CMTM7: variants seen among roughly 807,000 people sequenced by gnomAD.
The protein encoded by CMTM7 is CKLF like MARVEL transmembrane domain containing 7, also known as CKLF-like MARVEL transmembrane domain-containing protein 7.
CMTM7 carries 7 observed loss-of-function variants against 19.3 expected under a neutral mutation model. The ratio of observed to expected loss-of-function variants is 0.36; its 90% confidence interval spans 0.21 to 0.68. The LOEUF is 0.68. Among genes scored for constraint, CMTM7 ranks in the 30% least tolerant of loss-of-function variants. The pLI, the probability that CMTM7 is intolerant of heterozygous loss-of-function variation, is 0.60. For missense variants in CMTM7, 193 were observed against 232.6 expected (o/e 0.83, Z 1.11); for synonymous variants, 87 against 99.3 (o/e 0.88, Z 0.74).
chr3:32,406,602 G>A (rs560401055), intron 1 of CMTM7, among the ~76,000 whole-genome samples: 35 of 152,310 alleles, frequency 2.3e-4, no homozygotes, highest in Middle Eastern at 3.4e-3. Flanking sequence ...AGTCTAAGTA[G>A]GGAACAAGAA....
intron 1 of CMTM7, among the ~76,000 whole-genome samples, chr3:32,401,909 G>C (rs1026440460): frequency 2.0e-5 from 3 of 152,198 alleles, no homozygotes; most frequent in African/African-American, 7.2e-5. Context: ...GCCACCCGGC[G>C]CTCCTGGGCG....
chr3:32,393,979 A>G (rs539824817), intron 1 of CMTM7, among the ~76,000 whole-genome samples: 1 of 152,288 alleles, frequency 6.6e-6, no homozygotes, highest in South Asian at 2.1e-4. Context: ...GAGAACAAAG[A>G]CTTGAATAAT....
intron 1 of CMTM7, among the ~76,000 whole-genome samples, chr3:32,403,436 C>G (rs1239010828): frequency 6.6e-6 from 1 of 152,138 alleles, no homozygotes; most frequent in African/African-American, 2.4e-5. Flanking sequence ...TACTCTTGAA[C>G]TCCTAGGCTC....
intron 1 of CMTM7, among the ~76,000 whole-genome samples, chr3:32,402,139 C>T (rs1696017661): frequency 6.6e-6 from 1 of 152,104 alleles, no homozygotes; most frequent in African/African-American, 2.4e-5. Flanking sequence ...TCTAAAAAGT[C>T]TTCAGTCTGT....
chr3:32,414,239 G>A (rs1038966105), intron 1 of CMTM7, among the ~76,000 whole-genome samples: 1 of 152,138 alleles, frequency 6.6e-6, no homozygotes. Context: ...AGGACCAAAT[G>A]ACCAAGCTAC....
At position 32,454,616 on chromosome 3, in the gene CMTM7, C is replaced by T; in HGVS notation, c.*362C>T. 1 of 427,186 alleles carries T rather than the reference C, an allele frequency of 2.3e-6. No homozygotes were observed. Among genetic ancestry groups the T allele is most frequent in the Non-Finnish European group, 4.5e-6 (1 of 224,396 alleles). The allele number at this position is 427,186 out of a possible 1,614,324, so 26.5% of individuals were successfully genotyped here. A position where few individuals can be genotyped will look rare whatever the true frequency, so the allele number is the denominator to read the frequency against. ...CCGCCTAAATCCCTTCTACTTCACTCCTCAGGGGAGTGAAGTGCCTTAAGA... is the reference window on the plus strand; with the variant it reads ...CCGCCTAAATCCCTTCTACTTCACTTCTCAGGGGAGTGAAGTGCCTTAAGA... On this transcript the variant is annotated 3_prime_UTR_variant, in exon 5 of 5. Coordinates refer to ENST00000334983, the MANE Select transcript of CMTM7 (RefSeq NM_138410.4).
chr3:32,434,693 T>C (rs1013135536), intron 1 of CMTM7, among the ~76,000 whole-genome samples: 19 of 151,532 alleles, frequency 1.3e-4, no homozygotes, highest in African/African-American at 4.4e-4. Context: ...GATTTGACTG[T>C]ATAAAAACTT....
intron 1 of CMTM7, among the ~76,000 whole-genome samples, chr3:32,424,778 C>G (rs749615732): frequency 1.7e-4 from 26 of 152,206 alleles, no homozygotes; most frequent in Middle Eastern, 3.4e-3. Flanking sequence ...TTCCGAGTAG[C>G]TGGACCACAG....
Position 32,391,913 on chromosome 3 carries a change from C to T in CMTM7, c.7C>T (p.His3Tyr). 1.6e-6 allele frequency: 2 copies of T among 1,223,238 alleles called. No homozygotes were observed. Among genetic ancestry groups the T allele is most frequent in the Non-Finnish European group, 2.0e-6 (2 of 982,298 alleles). The allele number at this position is 1,223,238 out of a possible 1,614,324, so 75.8% of individuals were successfully genotyped here. Residue 3 changes from histidine (H) to tyrosine (Y), a missense_variant, in exon 1 of 5, where the codon CAC becomes TAC. Physicochemically the swap from His to Tyr is moderately conservative, Grantham distance 83. Transcript: ENST00000334983. ...AGCGAGCTGGGGCCGCGCAATGTCG[C>T]ACGGAGCCGGGCTCGTCCGCACCAC... The part of the protein sequence containing the change: MS[H>Y]GAGLVRTTCS...
At chr3:32,401,912 C>T (rs1367506831) in intron 1 of CMTM7, among the ~76,000 whole-genome samples, 2 of 152,320 alleles carry the variant, frequency 1.3e-5, no homozygotes, top group Non-Finnish European at 1.5e-5. Context: ...ACCCGGCGCT[C>T]CTGGGCGGAA....
chr3:32,421,022 G>A (rs1433396112), intron 1 of CMTM7, among the ~76,000 whole-genome samples: 1 of 152,066 alleles, frequency 6.6e-6, no homozygotes, highest in Non-Finnish European at 1.5e-5. Flanking sequence ...TGCAGCCTGG[G>A]TCCCTGGAGG....
At chr3:32,425,803 A>G (rs1010549488) in intron 1 of CMTM7, among the ~76,000 whole-genome samples, 80 of 152,174 alleles carry the variant, frequency 5.3e-4, no homozygotes, top group Non-Finnish European at 1.0e-4. Context: ...TTTTAACAGG[A>G]TATTTTTGAG....
chr3:32,403,328 G>C lies in CMTM7; in HGVS notation c.159+11263G>C, dbSNP rs113999766. On this transcript the variant is annotated intron_variant, in intron 1 of 4. Transcript: ENST00000334983. Reference sequence around the variant, plus strand: ...TTCCTGGGCTCAAGCGATCTTCCTGGCTCAGCCTCCCAAGTATTAACAATT... The same window carrying C: ...TTCCTGGGCTCAAGCGATCTTCCTGCCTCAGCCTCCCAAGTATTAACAATT... 5.8e-3 allele frequency among the ~76,000 whole-genome samples: 884 copies of C among 152,066 alleles called. 4 individuals are homozygous for C. The highest frequency in any genetic ancestry group is 0.02 in the Middle Eastern group (6 of 294).
chr3:32,402,912 A>AG (rs1011007958), intron 1 of CMTM7, among the ~76,000 whole-genome samples: 2 of 152,226 alleles, frequency 1.3e-5, no homozygotes, highest in African/African-American at 4.8e-5. Context: ...ATAAATGGGA[A>AG]GGGGAAAAGG....
intron 1 of CMTM7, among the ~76,000 whole-genome samples, chr3:32,412,510 C>T (rs868326678): frequency 1.3e-5 from 1 of 76,462 alleles, no homozygotes; most frequent in Non-Finnish European, 3.2e-5. Flanking sequence ...CACACACACA[C>T]ACACACACAC....
At chr3:32,405,233 A>C (rs1696072647) in intron 1 of CMTM7, among the ~76,000 whole-genome samples, 2 of 152,266 alleles carry the variant, frequency 1.3e-5, no homozygotes, top group African/African-American at 4.8e-5. Flanking sequence ...AACTGTGAGA[A>C]GATAAATGAA....
At chr3:32,430,681 ATGTGTGTGTG>A (rs35054129) in intron 1 of CMTM7, among the ~76,000 whole-genome samples, 1 of 133,932 alleles carries the variant, frequency 7.5e-6, no homozygotes, top group Non-Finnish European at 1.6e-5. Context: ...CTACATCTGA[ATGTGTGTGTG>A]TGTGTGTGTG....
intron 1 of CMTM7, among the ~76,000 whole-genome samples, chr3:32,441,325 G>A (rs540350179): frequency 7.2e-5 from 11 of 152,208 alleles, no homozygotes; most frequent in Admixed American, 2.6e-4. Context: ...TGGCCTTAGC[G>A]AGATCACGTA....
rs1352102041 is a variant in CMTM7, at chr3:32,449,926, A to G, written c.432+374A>G. On this transcript the variant is annotated intron_variant, in intron 3 of 4. Transcript: ENST00000334983. The surrounding 1 kb of genome is among the most constrained non-coding windows in gnomAD (Gnocchi z 4.5). Reference sequence around the variant, plus strand: ...CTCTTTTGGGCCCAGTGGGAAATGTACTGTGATCAATTAGAGATACATGCC... The same window carrying G: ...CTCTTTTGGGCCCAGTGGGAAATGTGCTGTGATCAATTAGAGATACATGCC... Among the ~76,000 whole-genome samples the G allele has an allele frequency of 6.6e-6, 1 of 152,214 alleles. No individual in the cohort carries two copies. Among genetic ancestry groups the G allele is most frequent in the East Asian group, 1.9e-4 (1 of 5,200 alleles).
Sources: allele counts gnomAD v4.1 joint callset (sites outside exome capture counted in the v4.1 genomes callset), GRCh38; gene constraint gnomAD v4.1.1; non-coding constraint Gnocchi (gnomAD v3.1); transcripts MANE v1.5; gene names NCBI Gene and HGNC (gene_info 2026-07-23, HGNC 2026-07-21).